WAPL: variants seen among roughly 807,000 people sequenced by gnomAD.
WAPL encodes the protein WAPL cohesin release factor.
A neutral mutation model predicts 121.0 loss-of-function variants in WAPL; 5 were observed. The observed-to-expected ratio is 0.04, with a 90% confidence interval of 0.02 to 0.09. WAPL has a LOEUF of 0.09. Ranked by LOEUF, WAPL falls within the 10% of genes least tolerant of loss-of-function variation. The probability of loss-of-function intolerance (pLI) is 1.00; values close to 1 mark genes in which losing one functional copy is unlikely to be tolerated. For synonymous variants in WAPL, 480 were observed against 481.5 expected, an observed-to-expected ratio of 1.00 and a Z score of 0.04; for missense variants, 999 against 1,410.8, an observed-to-expected ratio of 0.71 and a Z score of 4.68.
chr10:86,496,667 A>AAAG (rs1321008841), intron 4 of WAPL, among the ~76,000 whole-genome samples: 1 of 152,198 alleles, frequency 6.6e-6, no homozygotes, highest in Non-Finnish European at 1.5e-5. Flanking sequence ...CATACAATGG[A>AAAG]ATTTTATTCA....
At chr10:86,488,492 A>C (rs997919559) in intron 4 of WAPL, 1 of 152,296 alleles carries the variant, frequency 6.6e-6, no homozygotes, top group Admixed American at 6.5e-5. Context: ...CGATACCAAG[A>C]TTAGCATGAC....
At chr10:86,508,026 C>T (rs1003859050) in intron 2 of WAPL, among the ~76,000 whole-genome samples, 2 of 152,042 alleles carry the variant, frequency 1.3e-5, no homozygotes, top group African/African-American at 4.8e-5. Context: ...GTCCAGGTTC[C>T]AGATAATGGG....
At position 86,437,387 on chromosome 10, in the gene WAPL, G is replaced by A. The variant is rs1849350163; in HGVS notation, c.*156C>T. On this transcript the variant is annotated 3_prime_UTR_variant, in exon 19 of 19. Transcript: ENST00000298767. The stretch of plus-strand genomic sequence containing the variant: ...AACTGTCATTTAGCAAATGCCGAAT[G>A]CATGACGAAGAAATCAGGTGGCCTT... 7.0e-5 allele frequency: 45 copies of A among 642,222 alleles called. 1 individual carries two copies. The South Asian group carries it at 9.6e-4, about 14-fold the overall frequency. The allele number at this position is 642,222 out of a possible 1,614,324, so 39.8% of individuals were successfully genotyped here. A position where few individuals can be genotyped will look rare whatever the true frequency, so the allele number is the denominator to read the frequency against.
chr10:86,453,795 G>A lies in WAPL; in HGVS notation c.2694C>T (p.Tyr898=), dbSNP rs753391695. The part of the protein sequence containing the change: ...LQHCEELIQQ[Y]NRAEDSICLA... ...AGCATATGCTGTCCTCAGCACGGTTGTACTGCTGAATCAGTTCTTCACAAT... is the reference window on the plus strand; with the variant it reads ...AGCATATGCTGTCCTCAGCACGGTTATACTGCTGAATCAGTTCTTCACAAT... Residue 898 remains tyrosine (Y), a synonymous_variant, in exon 13 of 19, where the codon TAC becomes TAT. Coordinates refer to ENST00000298767, the MANE Select transcript of WAPL (RefSeq NM_015045.5). 3 of 1,612,758 alleles carry A rather than the reference G, an allele frequency of 1.9e-6. No homozygotes were observed. The highest frequency in any genetic ancestry group is 2.5e-6 in the Non-Finnish European group (3 of 1,179,720).
chr10:86,491,847 G>A (rs1043012001), intron 4 of WAPL, among the ~76,000 whole-genome samples: 1 of 151,962 alleles, frequency 6.6e-6, no homozygotes, highest in Admixed American at 6.6e-5. Flanking sequence ...ATTACTGCAA[G>A]CATCCATCAC....
At chr10:86,460,729 T>C (rs1365879064) in intron 10 of WAPL, among the ~76,000 whole-genome samples, 2 of 152,048 alleles carry the variant, frequency 1.3e-5, no homozygotes, top group Non-Finnish European at 2.9e-5. Context: ...CTTTTTTTTT[T>C]TGAGATGGAG....
At chr10:86,498,192 C>A (rs1842185378) in intron 3 of WAPL, among the ~76,000 whole-genome samples, 1 of 152,218 alleles carries the variant, frequency 6.6e-6, no homozygotes. Context: ...CAGGGGATAA[C>A]TTGCTATCCA....
intron 9 of WAPL, among the ~76,000 whole-genome samples, chr10:86,465,926 A>G (rs1841386089): frequency 6.6e-6 from 1 of 152,172 alleles, no homozygotes; most frequent in South Asian, 2.1e-4. Flanking sequence ...TACAATAAAC[A>G]CTTATTTTTT....
intron 9 of WAPL, 95 bp from the exon 10 acceptor site, chr10:86,461,382 G>A (rs1841270103): frequency 5.9e-6 from 5 of 851,684 alleles, no homozygotes; most frequent in African/African-American, 1.7e-5. Flanking sequence ...GCTACATGTA[G>A]TTTAACACCA....
intron 16 of WAPL, among the ~76,000 whole-genome samples, chr10:86,444,585 A>G (rs1849555922): frequency 6.6e-6 from 1 of 152,192 alleles, no homozygotes; most frequent in Admixed American, 6.5e-5. Flanking sequence ...AACATATTGT[A>G]TGACTCCTTT....
intron 4 of WAPL, among the ~76,000 whole-genome samples, chr10:86,491,111 C>T (rs1481566617): frequency 6.9e-6 from 1 of 145,190 alleles, no homozygotes; most frequent in East Asian, 2.0e-4. Context: ...GAAAAAGAAA[C>T]TATCAATAAC....
At chr10:86,487,805 G>A (rs1355256080) in intron 4 of WAPL, among the ~76,000 whole-genome samples, 1 of 152,186 alleles carries the variant, frequency 6.6e-6, no homozygotes, top group Non-Finnish European at 1.5e-5. Flanking sequence ...TGAGGCAGGA[G>A]AATGGAGTGA....
intron 4 of WAPL, among the ~76,000 whole-genome samples, chr10:86,484,937 C>T (rs1157491849): frequency 6.6e-6 from 1 of 152,122 alleles, no homozygotes; most frequent in Admixed American, 6.5e-5. Flanking sequence ...TTAAGTAATG[C>T]GTGACTGTAG....
At chr10:86,442,986 T>C (rs1849508352) in intron 17 of WAPL, among the ~76,000 whole-genome samples, 1 of 143,726 alleles carries the variant, frequency 7.0e-6, no homozygotes, top group Non-Finnish European at 1.5e-5. Context: ...GAGCTTGCAG[T>C]GAGCCGAGAT....
chr10:86,488,831 C>T (rs1196423395), intron 4 of WAPL, among the ~76,000 whole-genome samples: 1 of 152,140 alleles, frequency 6.6e-6, no homozygotes, highest in African/African-American at 2.4e-5. Flanking sequence ...AGAACAAATG[C>T]TATAATTAGG....
chr10:86,480,552 T>C lies in WAPL; in HGVS notation c.1645-6579A>G, dbSNP rs142783332. Among the ~76,000 whole-genome samples, 297 of 152,236 alleles carry C rather than the reference T, an allele frequency of 2.0e-3. 2 individuals carry two copies. The highest frequency in any genetic ancestry group is 0.017 in the Middle Eastern group (5 of 294). On this transcript the variant is annotated intron_variant, in intron 4 of 18. Transcript: ENST00000298767. ...AAATAACAGTTCTCACAACTAAAAA[T>C]ACCATTAAATATTGATGACAAGTTG... is the stretch of plus-strand genomic sequence containing the variant.
rs1205798733 is a variant in WAPL, at chr10:86,472,191, T to C, written c.2030+17A>G. 6.5e-7 allele frequency: 1 copy of C among 1,537,470 alleles called. No individual in the cohort carries two copies. Among genetic ancestry groups the C allele is most frequent in the South Asian group, 1.3e-5 (1 of 77,974 alleles). On this transcript the variant is annotated intron_variant, in intron 7 of 18. Transcript: ENST00000298767. The surrounding 1 kb of genome is among the most constrained non-coding windows in gnomAD (Gnocchi z 4.2). ...ACAGCATGCACATAATTGTAAAATA[T>C]AAAAATAAGATCTTACCTAAGGCAA...
intron 4 of WAPL, among the ~76,000 whole-genome samples, chr10:86,491,514 A>G (rs942285615): frequency 1.3e-5 from 2 of 152,140 alleles, no homozygotes; most frequent in African/African-American, 4.8e-5. Flanking sequence ...CTCAGCACTC[A>G]GATCTTGGTT....
At chr10:86,473,181 C>CTA (rs1227404811) in intron 5 of WAPL, among the ~76,000 whole-genome samples, 1 of 152,020 alleles carries the variant, frequency 6.6e-6, no homozygotes, top group Non-Finnish European at 1.5e-5. Flanking sequence ...AAATAAATAG[C>CTA]TATAACAGGA....
Sources: gnomAD v4.1 joint callset for allele counts (sites outside exome capture counted in the v4.1 genomes callset) on GRCh38, gnomAD v4.1.1 for gene constraint, Gnocchi (gnomAD v3.1) non-coding constraint, MANE v1.5 for transcripts, NCBI Gene and HGNC (gene_info 2026-07-23, HGNC 2026-07-21) for gene names.